The following DPP6 variants were observed in gnomAD, a reference collection of about 807,000 sequenced individuals.
The protein encoded by DPP6 is dipeptidyl peptidase like 6.
DPP6 carries 69 observed loss-of-function variants against 122.6 expected under a neutral mutation model. That is an observed-to-expected ratio of 0.56 (90% CI 0.46 to 0.69). The LOEUF (loss-of-function observed/expected upper bound fraction) is 0.69. Ranked by LOEUF, DPP6 falls within the 30% of genes least tolerant of loss-of-function variation. DPP6 has a pLI of 0.00. For missense variants in DPP6, 928 were observed against 1,116.9 expected, an observed-to-expected ratio of 0.83 and a Z score of 2.41; for synonymous variants, 418 against 433.1, an observed-to-expected ratio of 0.97 and a Z score of 0.43.
At chr7:154,130,997 G>A (rs1461084085) in intron 1 of DPP6, among the ~76,000 whole-genome samples, 8 of 152,068 alleles carry the variant, frequency 5.3e-5, no homozygotes, top group Non-Finnish European at 1.2e-4. Context: ...CAGGCAGTTC[G>A]TCAGTGGCCG....
At chr7:154,242,864 C>T (rs1255093721) in intron 1 of DPP6, among the ~76,000 whole-genome samples, 1 of 152,198 alleles carries the variant, frequency 6.6e-6, no homozygotes, top group African/African-American at 2.4e-5. Context: ...CAGTGGTTGC[C>T]TTCTGCAGGG....
chr7:154,575,173 G>T (rs1444326143), intron 5 of DPP6, among the ~76,000 whole-genome samples: 1,922 of 126,018 alleles, frequency 0.015, 51 homozygotes, highest in East Asian at 0.11. Context: ...TATGTGTGTG[G>T]GGGGGTATAT....
intron 16 of DPP6, among the ~76,000 whole-genome samples, chr7:154,842,266 A>G (rs924394080): frequency 1.3e-5 from 2 of 152,258 alleles, no homozygotes; most frequent in Non-Finnish European, 2.9e-5. Flanking sequence ...CATTGTTTAC[A>G]TACTAGGAGT....
intron 1 of DPP6, among the ~76,000 whole-genome samples, chr7:154,041,798 A>T (rs573646561): frequency 6.6e-6 from 1 of 151,908 alleles, no homozygotes; most frequent in South Asian, 2.1e-4. Context: ...CTCTGTGGCC[A>T]GGCTGGAGTG....
At chr7:153,866,631 T>C in the DPP6 span, among the ~76,000 whole-genome samples, 9 of 152,324 alleles carry the variant, frequency 5.9e-5, no homozygotes, top group African/African-American at 2.2e-4. Flanking sequence ...TTTCTTTTGC[T>C]GTGCAGAAGC....
chr7:154,388,642 C>T (rs925156190), intron 1 of DPP6, among the ~76,000 whole-genome samples: 3 of 152,050 alleles, frequency 2.0e-5, no homozygotes, highest in Non-Finnish European at 4.4e-5. Context: ...GGCCAGCGTG[C>T]TCTGGCTGCC....
At chr7:153,831,916 T>A in the DPP6 span, among the ~76,000 whole-genome samples, 1 of 152,228 alleles carries the variant, frequency 6.6e-6, no homozygotes, top group Admixed American at 6.5e-5. Flanking sequence ...ATGGAGGGAA[T>A]TTAAGCAGAG....
At position 154,774,227 on chromosome 7, in the gene DPP6, C is replaced by T. The variant is rs561699875; in HGVS notation, c.1136+1285C>T. The stretch of plus-strand genomic sequence containing the variant: ...CACTGGGGTATCAGCCCAAGGTGTG[C>T]GCTGGTTTGGAGAGTTGAATTGATT... On this transcript the variant is annotated intron_variant, in intron 10 of 25. Transcript: ENST00000377770. 3.9e-5 allele frequency among the ~76,000 whole-genome samples: 6 copies of T among 152,042 alleles called. No homozygotes were observed. The East Asian group carries it at 5.8e-4, about 15-fold the overall frequency.
At position 154,831,725 on chromosome 7, in the gene DPP6, C is replaced by T. The variant is rs544809299; in HGVS notation, c.1667-22055C>T. On this transcript the variant is annotated intron_variant, in intron 16 of 25. Coordinates refer to ENST00000377770, the MANE Select transcript of DPP6 (RefSeq NM_130797.4). The stretch of plus-strand genomic sequence containing the variant: ...TTCCTTTTCATGACAAGAAAGCTTA[C>T]AGAGACCTGGGAACCACTCATATAC... Among the ~76,000 whole-genome samples, 6 of 152,296 alleles carry T rather than the reference C, an allele frequency of 3.9e-5. No homozygotes were observed. The South Asian group carries it at 1.2e-3, about 32-fold the overall frequency.
At chr7:154,831,187 C>T (rs949442372) in intron 16 of DPP6, among the ~76,000 whole-genome samples, 5 of 152,202 alleles carry the variant, frequency 3.3e-5, no homozygotes, top group African/African-American at 9.6e-5. Flanking sequence ...CACCAATCCA[C>T]GACCAGTCGT....
intron 3 of DPP6, among the ~76,000 whole-genome samples, chr7:154,533,254 A>G (rs908501626): frequency 3.9e-5 from 6 of 152,164 alleles, no homozygotes; most frequent in Non-Finnish European, 7.3e-5. Flanking sequence ...CTTTTGTTGT[A>G]GGTGCCTCAG....
chr7:154,794,067 T>C lies in DPP6; in HGVS notation c.1137-12T>C. The C allele has an allele frequency of 6.2e-7, 1 of 1,612,206 alleles. No individual in the cohort carries two copies. The highest frequency in any genetic ancestry group is 8.5e-7 in the Non-Finnish European group (1 of 1,178,858). On this transcript the variant is annotated splice_polypyrimidine_tract_variant and intron_variant, in intron 10 of 25. Transcript: ENST00000377770. ...CCTGCCAAGCTGCTCATGCTGTGTT[T>C]GGCGTTTCCAGGGAGTACTACATCA...
chr7:154,154,510 G>T (rs1796584735), intron 1 of DPP6, among the ~76,000 whole-genome samples: 2 of 152,242 alleles, frequency 1.3e-5, no homozygotes, highest in East Asian at 1.9e-4. Context: ...TGCAATCCAA[G>T]AAACAGAAAA....
At chr7:154,396,400 T>C (rs116717523) in intron 1 of DPP6, among the ~76,000 whole-genome samples, 186 of 152,240 alleles carry the variant, frequency 1.2e-3, no homozygotes, top group African/African-American at 4.4e-3. Context: ...AGGACCCTTA[T>C]TCTAATACTG....
intron 1 of DPP6, among the ~76,000 whole-genome samples, chr7:154,187,587 G>A (rs915343690): frequency 1.3e-5 from 2 of 152,138 alleles, no homozygotes; most frequent in Non-Finnish European, 2.9e-5. Flanking sequence ...TAGTTACAAT[G>A]ACATGAAACA....
chr7:154,892,882 G>A lies in DPP6; in HGVS notation c.*402G>A, dbSNP rs757743740. On this transcript the variant is annotated 3_prime_UTR_variant, in exon 26 of 26. Transcript: ENST00000377770. ...ACACTAGCCTCTGTGTTCCCGTTAG[G>A]GACATCACACCCTGTCTCACGTCGC... is the stretch of plus-strand genomic sequence containing the variant. 5.7e-6 allele frequency: 3 copies of A among 529,642 alleles called. No homozygotes were observed. In the East Asian group the frequency reaches 1.6e-4, roughly 28 times the overall value. The allele number at this position is 529,642 out of a possible 1,614,324, so 32.8% of individuals were successfully genotyped here. A position where few individuals can be genotyped will look rare whatever the true frequency, so the allele number is the denominator to read the frequency against.
At chr7:154,353,625 C>T (rs935544020) in intron 1 of DPP6, among the ~76,000 whole-genome samples, 3 of 152,106 alleles carry the variant, frequency 2.0e-5, no homozygotes, top group Non-Finnish European at 2.9e-5. Context: ...AAGACAAAAA[C>T]ATACTAGACA....
intron 1 of DPP6, among the ~76,000 whole-genome samples, chr7:154,139,801 A>C (rs1795753481): frequency 6.6e-6 from 1 of 152,192 alleles, no homozygotes; most frequent in Non-Finnish European, 1.5e-5. Context: ...TTTATGCTGG[A>C]GCACTACAAC....
intron 1 of DPP6, among the ~76,000 whole-genome samples, chr7:154,219,938 C>G (rs1800210128): frequency 6.6e-6 from 1 of 152,182 alleles, no homozygotes; most frequent in Non-Finnish European, 1.5e-5. Context: ...ATTTGTGATT[C>G]TGTGATTCTG....
Sources: allele counts gnomAD v4.1 joint callset (sites outside exome capture counted in the v4.1 genomes callset), GRCh38; gene constraint gnomAD v4.1.1; transcripts MANE v1.5; gene names NCBI Gene and HGNC (gene_info 2026-07-23, HGNC 2026-07-21).